Variants in CCDC7 observed in about 807,000 individuals in gnomAD.
CCDC7 encodes coiled-coil domain containing 7.
CCDC7 carries 183 observed loss-of-function variants against 196.9 expected under a neutral mutation model. That is an observed-to-expected ratio of 0.93 (90% CI 0.82 to 1.05). The LOEUF is 1.05. CCDC7 is among the 50% of genes least tolerant of loss of function. CCDC7 has a pLI of 0.00. For missense variants in CCDC7, 1,540 were observed against 1,482.2 expected (o/e 1.04, Z -0.64); for synonymous variants, 525 against 484.6 (o/e 1.08, Z -1.10).
chr10:32,621,328 TTGTTAGGATTCCCAATTCA>T (rs2063386360), intron 18 of CCDC7, among the ~76,000 whole-genome samples: 1 of 152,184 alleles, frequency 6.6e-6, no homozygotes, highest in South Asian at 2.1e-4. Context: ...AAAGACTTTT[TTGTTAGGATTCCCAATTCA>T]TGTCCCAGAT....
chr10:32,476,194 CCT>C (rs1269575942), intron 8 of CCDC7, among the ~76,000 whole-genome samples: 1 of 152,148 alleles, frequency 6.6e-6, no homozygotes, highest in African/African-American at 2.4e-5. Flanking sequence ...CCCAAAATCC[CCT>C]GTGTCCCACC....
At chr10:32,637,256 G>C (rs2065827238) in intron 20 of CCDC7, among the ~76,000 whole-genome samples, 1 of 152,076 alleles carries the variant, frequency 6.6e-6, no homozygotes, top group Admixed American at 6.6e-5. Context: ...TGTCAATTTT[G>C]GCTTTTGTTG....
chr10:32,544,398 A>G, intron 13 of CCDC7, 97 bp downstream of exon 14: 1 of 1,256,768 alleles, frequency 8.0e-7, no homozygotes, highest in African/African-American at 1.5e-5. Context: ...ATTATAGGGT[A>G]TATATGTCTG....
At chr10:32,556,112 A>G (rs2054297897) in intron 13 of CCDC7, among the ~76,000 whole-genome samples, 1 of 152,140 alleles carries the variant, frequency 6.6e-6, no homozygotes, top group Non-Finnish European at 1.5e-5. Flanking sequence ...AATAGATTGT[A>G]CCTTTTTATG....
intron 13 of CCDC7, among the ~76,000 whole-genome samples, chr10:32,552,453 G>C (rs1016740179): frequency 6.6e-6 from 1 of 151,926 alleles, no homozygotes; most frequent in Admixed American, 6.6e-5. Context: ...GTGTACTTTG[G>C]GTTCTTGTTT....
chr10:32,620,778 A>G (rs908055597), intron 18 of CCDC7, among the ~76,000 whole-genome samples: 3 of 152,076 alleles, frequency 2.0e-5, no homozygotes, highest in African/African-American at 7.2e-5. Flanking sequence ...CTAAAGGGAG[A>G]ATTTTATCAC....
intron 21 of CCDC7, among the ~76,000 whole-genome samples, chr10:32,683,556 T>G (rs1325984777): frequency 6.6e-6 from 1 of 152,214 alleles, no homozygotes; most frequent in Admixed American, 6.5e-5. Context: ...AATATGTAAA[T>G]TGCTTTGAGT....
intron 9 of CCDC7, among the ~76,000 whole-genome samples, chr10:32,516,732 G>A (rs902061510): frequency 1.3e-5 from 2 of 152,202 alleles, no homozygotes; most frequent in African/African-American, 4.8e-5. Flanking sequence ...TTTAAATTAT[G>A]TATCTGCTTT....
At chr10:32,693,321 G>A (rs930240886) in intron 23 of CCDC7, among the ~76,000 whole-genome samples, 1 of 152,042 alleles carries the variant, frequency 6.6e-6, no homozygotes, top group African/African-American at 2.4e-5. Flanking sequence ...CATTTTGTAG[G>A]TAACCAATAA....
intron 28 of CCDC7, 25 bp from the exon 30 acceptor site, chr10:32,778,952 C>T: frequency 1.3e-6 from 2 of 1,512,210 alleles, no homozygotes; most frequent in South Asian, 1.2e-5. Context: ...AAATCAACTA[C>T]TTTGACAATC....
At chr10:32,666,141 G>A (rs1190662604) in intron 21 of CCDC7, among the ~76,000 whole-genome samples, 7 of 128,728 alleles carry the variant, frequency 5.4e-5, no homozygotes, top group Non-Finnish European at 5.0e-5. Context: ...TTTTTTCATT[G>A]ACAAAGAAGT....
At chr10:32,649,824 A>G (rs1470832912) in intron 20 of CCDC7, among the ~76,000 whole-genome samples, 2 of 152,192 alleles carry the variant, frequency 1.3e-5, no homozygotes, top group Non-Finnish European at 2.9e-5. Flanking sequence ...TTCTGATTGT[A>G]TTATGAAATT....
intron 24 of CCDC7, among the ~76,000 whole-genome samples, chr10:32,707,683 A>C (rs2141784121): frequency 6.6e-6 from 1 of 152,316 alleles, no homozygotes; most frequent in East Asian, 1.9e-4. Context: ...AATAACAGAC[A>C]AACAGAGAGC....
chr10:32,609,478 T>C (rs1406963121), intron 18 of CCDC7, among the ~76,000 whole-genome samples: 2 of 152,238 alleles, frequency 1.3e-5, no homozygotes, highest in Non-Finnish European at 2.9e-5. Context: ...TCTATCCTTT[T>C]ACTTTGAATT....
rs538286747 is a variant in CCDC7 at position 32,588,024 on chromosome 10, C to T, written c.1801+3720C>T. Among the ~76,000 whole-genome samples, 25 of 152,242 alleles carry T rather than the reference C, an allele frequency of 1.6e-4. No individual in the cohort carries two copies. In the South Asian group the frequency reaches 4.8e-3, roughly 29 times the overall value. ...ATCCATTCATAGATTAATGGGTTAT[C>T]AAGAGAATGGGTCTTCTTTAAAAGC... On this transcript the variant is annotated intron_variant, in intron 18 of 41. Transcript: ENST00000639629.
At chr10:32,521,193 C>A (rs2047824262) in intron 11 of CCDC7, among the ~76,000 whole-genome samples, 1 of 151,986 alleles carries the variant, frequency 6.6e-6, no homozygotes, top group Admixed American at 6.6e-5. Context: ...ATAGCTTTGG[C>A]TATTCTGGGG....
intron 13 of CCDC7, among the ~76,000 whole-genome samples, chr10:32,552,264 C>T (rs1333119685): frequency 2.0e-5 from 3 of 152,048 alleles, no homozygotes; most frequent in Non-Finnish European, 1.5e-5. Context: ...CTTTTTCCAC[C>T]CATTTACTTT....
chr10:32,597,709 T>C (rs1460900989), intron 18 of CCDC7, among the ~76,000 whole-genome samples: 1 of 152,220 alleles, frequency 6.6e-6, no homozygotes, highest in African/African-American at 2.4e-5. Flanking sequence ...TTGGTGTGCA[T>C]GTCCTTTCTG....
At chr10:32,855,970 C>T (rs368266832) in intron 41 of CCDC7, among the ~76,000 whole-genome samples, 37 of 152,120 alleles carry the variant, frequency 2.4e-4, no homozygotes, top group East Asian at 2.3e-3. Context: ...TAAGACTAAT[C>T]GGTATGGAAA....
Sources: allele counts gnomAD v4.1 joint callset (sites outside exome capture counted in the v4.1 genomes callset), GRCh38; gene constraint gnomAD v4.1.1; transcripts MANE v1.5; gene names NCBI Gene and HGNC (gene_info 2026-07-23, HGNC 2026-07-21).